The following LINC00237 variants were observed in gnomAD, a reference collection of about 807,000 sequenced individuals.
The protein encoded by LINC00237 is long independently transcribed non-coding RNA 237.
chr20:21,086,863 A>G (rs1264898470), intron 3 of LINC00237, among the ~76,000 whole-genome samples: 1 of 132,650 alleles, frequency 7.5e-6, no homozygotes, highest in African/African-American at 2.8e-5. Context: ...CTATATATGT[A>G]TATAGTATAC....
chr20:21,105,765 G>A (rs1012299294), intron 1 of LINC00237, among the ~76,000 whole-genome samples: 5 of 152,200 alleles, frequency 3.3e-5, no homozygotes, highest in African/African-American at 1.2e-4. Context: ...TTTTGCGGGC[G>A]TCTCTCTGCC....
intron 2 of LINC00237, chr20:21,089,693 C>A (rs1044266302): frequency 6.6e-6 from 1 of 152,172 alleles, no homozygotes. Flanking sequence ...TCCAATTAAT[C>A]TCAGCCGACT....
At chr20:21,096,236 T>G (rs1416404145) in intron 1 of LINC00237, among the ~76,000 whole-genome samples, 2 of 152,134 alleles carry the variant, frequency 1.3e-5, no homozygotes, top group African/African-American at 4.8e-5. Flanking sequence ...AAACAGAAAT[T>G]TATTATCGCC....
rs1362623958 is a variant in LINC00237 at position 21,101,339 on chromosome 20, TA to T, written n.88+4931del. 1 of 151,776 alleles carries T rather than the reference TA, an allele frequency of 6.6e-6. No homozygotes were observed. The highest frequency in any genetic ancestry group is 2.4e-5 in the African/African-American group (1 of 41,248). 9.4% of individuals were successfully genotyped at this position (151,776 alleles called of 1,614,324 possible). A position where few individuals can be genotyped will look rare whatever the true frequency, so the allele number is the denominator to read the frequency against. ...GAGGCAATCGGGGTGGGGGCAGAAA[TA>T]GGGGCTGACCCGCTAGCCCCCGCCA... On this transcript the variant is annotated intron_variant and non_coding_transcript_variant, in intron 1 of 3. Transcript: ENST00000691244. This position sits in a 1 kb window ranked among gnomAD's most constrained non-coding sequence, Gnocchi z 4.3.
At chr20:21,092,936 C>G (rs2030811616) in intron 2 of LINC00237, 1 of 152,166 alleles carries the variant, frequency 6.6e-6, no homozygotes, top group South Asian at 2.1e-4. Context: ...TGCTAAGTCA[C>G]CCACCTTTAC....
intron 2 of LINC00237, chr20:21,090,153 C>T (rs1318997907): frequency 6.6e-6 from 1 of 152,190 alleles, no homozygotes; most frequent in Non-Finnish European, 1.5e-5. Flanking sequence ...CTCCGAATTG[C>T]ATTTGGTTCC....
intron 1 of LINC00237, among the ~76,000 whole-genome samples, chr20:21,102,354 C>A (rs190655120): frequency 3.9e-5 from 6 of 152,200 alleles, no homozygotes; most frequent in Non-Finnish European, 8.8e-5. Context: ...TGTCTGGAAC[C>A]TTCCCTCTAG....
chr20:21,097,838 A>T (rs1389296454), intron 1 of LINC00237, among the ~76,000 whole-genome samples: 2 of 152,230 alleles, frequency 1.3e-5, no homozygotes, highest in African/African-American at 4.8e-5. Flanking sequence ...CCAAGCATTT[A>T]TCAGGATAAG....
At chr20:21,098,550 G>A (rs1211327648) in intron 1 of LINC00237, among the ~76,000 whole-genome samples, 1 of 152,200 alleles carries the variant, frequency 6.6e-6, no homozygotes, top group Non-Finnish European at 1.5e-5. Context: ...AGTCTGAAGG[G>A]CTTGCCTGTA....
chr20:21,105,768 T>G (rs1249006704), intron 1 of LINC00237, among the ~76,000 whole-genome samples: 2 of 152,200 alleles, frequency 1.3e-5, no homozygotes, highest in African/African-American at 4.8e-5. Flanking sequence ...TGCGGGCGTC[T>G]CTCTGCCTCC....
intron 1 of LINC00237, among the ~76,000 whole-genome samples, chr20:21,099,248 G>A (rs1303420325): frequency 6.6e-6 from 1 of 152,214 alleles, no homozygotes; most frequent in Non-Finnish European, 1.5e-5. Context: ...CCCCGAGCCA[G>A]GCAGGACAAT....
chr20:21,102,162 C>A (rs7360255), intron 1 of LINC00237, among the ~76,000 whole-genome samples: 1 of 152,234 alleles, frequency 6.6e-6, no homozygotes, highest in Non-Finnish European at 1.5e-5. Context: ...GGCGAATCGC[C>A]GAGGAGCGGC....
rs550310225 is a variant in LINC00237, at chr20:21,090,868, G to A, written n.472+2601C>T. Among the ~76,000 whole-genome samples, 266 of 152,280 alleles carry A rather than the reference G, an allele frequency of 1.7e-3. 1 individual carries two copies. Among genetic ancestry groups the A allele is most frequent in the Non-Finnish European group, 3.1e-3 (211 of 68,024 alleles). On this transcript the variant is annotated intron_variant and non_coding_transcript_variant, in intron 2 of 3. Transcript: ENST00000691244. ...CTTTATCGCCAGCAAAGGCCTGCCC[G>A]GAGATGCATGACTACACTCATTTGG...
intron 3 of LINC00237, among the ~76,000 whole-genome samples, chr20:21,086,787 ATATACATATACTATATATATGTATAG>A (rs1209946295): frequency 2.4e-5 from 3 of 125,334 alleles, no homozygotes; most frequent in Non-Finnish European, 4.9e-5. Context: ...CATGTACTAT[ATATACATATACTATATATATGTATAG>A]TATACATATA....
intron 1 of LINC00237, among the ~76,000 whole-genome samples, chr20:21,097,427 T>G (rs2030873990): frequency 6.6e-6 from 1 of 152,154 alleles, no homozygotes; most frequent in Non-Finnish European, 1.5e-5. Context: ...TTGGAAAAAT[T>G]TGTTAAATGG....
At chr20:21,104,613 T>C (rs1340159080) in intron 1 of LINC00237, among the ~76,000 whole-genome samples, 2 of 152,220 alleles carry the variant, frequency 1.3e-5, no homozygotes, top group East Asian at 3.9e-4. Flanking sequence ...ACTTCTCCTC[T>C]GCCCCCCACC....
chr20:21,097,244 T>C (rs1017056882), intron 1 of LINC00237, among the ~76,000 whole-genome samples: 2 of 152,172 alleles, frequency 1.3e-5, no homozygotes, highest in Non-Finnish European at 2.9e-5. Flanking sequence ...ATTTATACAT[T>C]AAAATAGAAG....
chr20:21,103,866 CG>C (rs1280213035), intron 1 of LINC00237, among the ~76,000 whole-genome samples: 1 of 152,116 alleles, frequency 6.6e-6, no homozygotes, highest in Non-Finnish European at 1.5e-5. Context: ...ATCTTGTGGA[CG>C]GGGGTATAAG....
intron 1 of LINC00237, among the ~76,000 whole-genome samples, chr20:21,103,256 A>C (rs1600315344): frequency 2.6e-5 from 4 of 152,316 alleles, no homozygotes; most frequent in African/African-American, 9.6e-5. Flanking sequence ...TTGTGGCTCT[A>C]AGCGCTTCCT....
Sources: gnomAD v4.1 joint callset for allele counts (sites outside exome capture counted in the v4.1 genomes callset) on GRCh38, gnomAD v4.1.1 for gene constraint, Gnocchi (gnomAD v3.1) non-coding constraint, MANE v1.5 for transcripts, NCBI Gene and HGNC (gene_info 2026-07-23, HGNC 2026-07-21) for gene names.